The following PDSS2 variants were observed in gnomAD, a reference collection of about 807,000 sequenced individuals.
The protein encoded by PDSS2 is decaprenyl diphosphate synthase subunit 2, also known as all trans-polyprenyl-diphosphate synthase PDSS2.
Under a neutral mutation model 44.5 loss-of-function variants are expected in PDSS2, and 31 were observed. The observed-to-expected ratio is 0.70, with a 90% CI of 0.52 to 0.94. The LOEUF is 0.94. PDSS2 is among the 40% of genes least tolerant of loss of function. The pLI, the probability that PDSS2 is intolerant of heterozygous loss-of-function variation, is 0.00. For synonymous variants in PDSS2, 157 were observed against 180.3 expected (o/e 0.87, Z 1.03); for missense variants, 452 against 482.2 (o/e 0.94, Z 0.59).
intron 2 of PDSS2, among the ~76,000 whole-genome samples, chr6:107,319,970 C>T (rs1036894829): frequency 6.6e-6 from 1 of 152,136 alleles, no homozygotes; most frequent in African/African-American, 2.4e-5. Context: ...TACAGAAATG[C>T]ATTTTAAGTG....
At chr6:107,448,820 ATCTTGGCAGAAGGTGCCTCTTC>A (rs541035724) in intron 1 of PDSS2, among the ~76,000 whole-genome samples, 29 of 152,342 alleles carry the variant, frequency 1.9e-4, no homozygotes, top group Admixed American at 9.8e-4. Context: ...AGAGTTTCAC[ATCTTGGCAGAAGGTGCCTCTTC>A]ACAGGGCACC....
intron 1 of PDSS2, among the ~76,000 whole-genome samples, chr6:107,373,332 C>A (rs1779184263): frequency 6.6e-6 from 1 of 152,126 alleles, no homozygotes; most frequent in Non-Finnish European, 1.5e-5. Context: ...ACTTCTTAGT[C>A]TACGAGGCAG....
chr6:107,366,451 A>G (rs565399203), intron 1 of PDSS2, among the ~76,000 whole-genome samples: 1 of 152,174 alleles, frequency 6.6e-6, no homozygotes, highest in East Asian at 1.9e-4. Flanking sequence ...CTTCCATGTT[A>G]AGAAACTAGA....
At chr6:107,278,194 T>C (rs1004598379) in intron 2 of PDSS2, among the ~76,000 whole-genome samples, 3 of 152,076 alleles carry the variant, frequency 2.0e-5, no homozygotes, top group African/African-American at 7.2e-5. Context: ...AGTAGACATA[T>C]TGTACTTGAT....
chr6:107,322,036 C>T (rs965192011), intron 2 of PDSS2, among the ~76,000 whole-genome samples: 1 of 152,148 alleles, frequency 6.6e-6, no homozygotes, highest in Non-Finnish European at 1.5e-5. Flanking sequence ...CCTAAACAAT[C>T]ATATTAGATC....
At chr6:107,342,962 G>A (rs1778126296) in intron 1 of PDSS2, among the ~76,000 whole-genome samples, 1 of 151,982 alleles carries the variant, frequency 6.6e-6, no homozygotes, top group African/African-American at 2.4e-5. Flanking sequence ...TAGAGTGAGT[G>A]GTACGATTTT....
At chr6:107,430,833 C>A (rs1396882169) in intron 1 of PDSS2, among the ~76,000 whole-genome samples, 1 of 151,852 alleles carries the variant, frequency 6.6e-6, no homozygotes, top group African/African-American at 2.4e-5. Flanking sequence ...GAAAAAAGTT[C>A]TAAAATCTAA....
chr6:107,458,428 A>AAAAAAAAAAAAAC (rs1562555811), intron 1 of PDSS2, among the ~76,000 whole-genome samples: 1 of 142,756 alleles, frequency 7.0e-6, no homozygotes, highest in Admixed American at 7.3e-5. Context: ...AAAAAAAAAA[A>AAAAAAAAAAAAAC]AAAACTTTTA....
chr6:107,239,087 G>A (rs1472555181), intron 4 of PDSS2, among the ~76,000 whole-genome samples: 1 of 152,032 alleles, frequency 6.6e-6, no homozygotes, highest in African/African-American at 2.4e-5. Context: ...GACCAGCCTG[G>A]CCAACATGGT....
intron 1 of PDSS2, among the ~76,000 whole-genome samples, chr6:107,419,573 G>A (rs1390356333): frequency 6.6e-6 from 1 of 152,128 alleles, no homozygotes; most frequent in Non-Finnish European, 1.5e-5. Context: ...TTTACAGTAT[G>A]TTTTAGAAAT....
chr6:107,282,838 C>G (rs1229899834), intron 2 of PDSS2, among the ~76,000 whole-genome samples: 1 of 144,876 alleles, frequency 6.9e-6, no homozygotes, highest in Non-Finnish European at 1.5e-5. Flanking sequence ...CATTGCACTT[C>G]TGCCTGGGCA....
Position 107,459,184 on chromosome 6 carries a change from C to T in PDSS2, c.102G>A (p.Ser34=). The T allele has an allele frequency of 6.2e-7, 1 of 1,614,074 alleles. No homozygotes were observed. Among genetic ancestry groups the T allele is most frequent in the Non-Finnish European group, 8.5e-7 (1 of 1,179,994 alleles). Residue 34 remains serine (S), a synonymous_variant, in exon 1 of 8, where the codon TCG becomes TCA. Transcript: ENST00000369037. This position sits in a 1 kb window ranked among gnomAD's most constrained non-coding sequence, Gnocchi z 4.3. ...AGGACCGACCACGCCAAGAGCCCAC[C>T]GAGGAGATGGTGTCGAGGGACGGGG... is the stretch of plus-strand genomic sequence containing the variant. ...WWSPSLDTIS[S]VGSWRGRSSK...
intron 1 of PDSS2, among the ~76,000 whole-genome samples, chr6:107,431,553 G>A (rs187041512): frequency 3.9e-4 from 59 of 152,144 alleles, no homozygotes; most frequent in African/African-American, 8.2e-4. Context: ...CCAGCCACCC[G>A]TTATTATTTC....
At chr6:107,441,033 G>A (rs1583089614) in intron 1 of PDSS2, among the ~76,000 whole-genome samples, 1 of 152,316 alleles carries the variant, frequency 6.6e-6, no homozygotes, top group East Asian at 1.9e-4. Flanking sequence ...TCTTTCTCAT[G>A]TAAAAAGAAG....
At chr6:107,315,600 AAAAGAAAG>A (rs572896499) in intron 2 of PDSS2, among the ~76,000 whole-genome samples, 2 of 152,192 alleles carry the variant, frequency 1.3e-5, no homozygotes, top group African/African-American at 4.8e-5. Context: ...TTAAAAAGAA[AAAAGAAAG>A]AAAGAAAGAA....
At chr6:107,426,421 C>G (rs1781006392) in intron 1 of PDSS2, among the ~76,000 whole-genome samples, 1 of 152,204 alleles carries the variant, frequency 6.6e-6, no homozygotes, top group Non-Finnish European at 1.5e-5. Context: ...GGGCGGAGCC[C>G]TCATGGAGAA....
chr6:107,301,710 G>A (rs752586723), intron 2 of PDSS2, among the ~76,000 whole-genome samples: 35 of 152,048 alleles, frequency 2.3e-4, no homozygotes, highest in Middle Eastern at 3.4e-3. Context: ...ACACCTGTAA[G>A]CCCAGCACTT....
intron 7 of PDSS2, among the ~76,000 whole-genome samples, chr6:107,165,564 T>G (rs370492961): frequency 1.1e-4 from 17 of 152,132 alleles, no homozygotes; most frequent in Non-Finnish European, 1.9e-4. Context: ...TTTGGTTACT[T>G]TAGCCTTGTA....
At chr6:107,293,663 T>C (rs559621327) in intron 2 of PDSS2, among the ~76,000 whole-genome samples, 4 of 152,322 alleles carry the variant, frequency 2.6e-5, no homozygotes, top group African/African-American at 9.6e-5. Context: ...GAAAACTGCT[T>C]CAGGCACAAC....
Sources: allele counts gnomAD v4.1 joint callset (sites outside exome capture counted in the v4.1 genomes callset), GRCh38; gene constraint gnomAD v4.1.1; non-coding constraint Gnocchi (gnomAD v3.1); transcripts MANE v1.5; gene names NCBI Gene and HGNC (gene_info 2026-07-23, HGNC 2026-07-21).